The following FUT8 variants were observed in gnomAD, a reference collection of about 807,000 sequenced individuals.
FUT8 encodes alpha-(1,6)-fucosyltransferase.
Under a neutral mutation model 71.3 loss-of-function variants are expected in FUT8, and 29 were observed. The ratio of observed to expected loss-of-function variants is 0.41; its 90% CI spans 0.30 to 0.55. The LOEUF (loss-of-function observed/expected upper bound fraction) is 0.55, where lower values mean the gene tolerates loss of function less well. Ranked by LOEUF, FUT8 falls within the 20% of genes least tolerant of loss-of-function variation. The pLI is 0.34. For missense variants in FUT8, 544 were observed against 702.1 expected (o/e 0.77, Z 2.55); for synonymous variants, 254 against 239.3 (o/e 1.06, Z -0.57).
At chr14:65,702,269 C>T (rs769304887) in intron 7 of FUT8, among the ~76,000 whole-genome samples, 5 of 148,542 alleles carry the variant, frequency 3.4e-5, no homozygotes, top group African/African-American at 5.0e-5. Context: ...CGCTTGAACC[C>T]GGGAGGCGGA....
At chr14:65,412,092 G>C (rs1429747774), upstream of FUT8, 1 of 456,600 alleles carries the variant, frequency 2.2e-6, no homozygotes, top group Non-Finnish European at 4.4e-6. Context: ...TCGCAGCCGC[G>C]GGTCGGGAGA....
rs1269236935 is a variant in FUT8, at chr14:65,434,258, C to CA, written c.-326+21045dup. ...GATCCAGGAACTTAGATGCTGTCTT[C>CA]AGAGTATTCTAGCTTCATTTTATTT... On this transcript the variant is annotated intron_variant, in intron 1 of 10. Transcript: ENST00000673929. Among the ~76,000 whole-genome samples the CA allele has an allele frequency of 2.0e-5, 3 of 152,334 alleles. No individual in the cohort carries two copies. The East Asian group carries it at 5.8e-4, about 29-fold the overall frequency.
At chr14:65,575,766 G>A (rs528956877) in intron 3 of FUT8, among the ~76,000 whole-genome samples, 1 of 151,926 alleles carries the variant, frequency 6.6e-6, no homozygotes, top group Non-Finnish European at 1.5e-5. Context: ...TTACAGGTGC[G>A]CGTTGCTGTG....
chr14:65,647,017 TAAGTAATTTAA>T (rs893842374), intron 6 of FUT8, among the ~76,000 whole-genome samples: 63 of 152,350 alleles, frequency 4.1e-4, no homozygotes, highest in African/African-American at 1.5e-3. Context: ...CCAATTGTGA[TAAGTAATTTAA>T]CAGGAGTGAT....
intron 5 of FUT8, among the ~76,000 whole-genome samples, chr14:65,619,050 G>A (rs1044552518): frequency 3.3e-5 from 5 of 152,126 alleles, no homozygotes; most frequent in African/African-American, 1.2e-4. Flanking sequence ...AGAGGTCTGG[G>A]CTAATTCTGG....
chr14:65,740,457 A>C (rs905168862), intron 10 of FUT8, among the ~76,000 whole-genome samples: 5 of 152,072 alleles, frequency 3.3e-5, no homozygotes, highest in African/African-American at 1.2e-4. Flanking sequence ...ATAAGAGTTA[A>C]GAATAGGCAT....
Position 65,529,905 on chromosome 14 carries a change from GGACTCTGTCTT to G in FUT8, c.-227-31430_-227-31420del, listed in dbSNP as rs528161890. Among the ~76,000 whole-genome samples, 430 of 152,162 alleles carry G rather than the reference GGACTCTGTCTT, an allele frequency of 2.8e-3. 2 individuals are homozygous for G. Among genetic ancestry groups the G allele is most frequent in the African/African-American group, 9.9e-3 (409 of 41,510 alleles). On this transcript the variant is annotated intron_variant, in intron 2 of 10. Coordinates refer to ENST00000673929, the MANE Select transcript of FUT8 (RefSeq NM_001371533.1). ...GTTGGATGTCCCAAGGATTCATTGA[GGACTCTGTCTT>G]GCCTGTGAGAACTTAAATGATTCCT...
chr14:65,398,364 C>G, the FUT8 span, among the ~76,000 whole-genome samples: 1 of 152,134 alleles, frequency 6.6e-6, no homozygotes, highest in African/African-American at 2.4e-5. Flanking sequence ...AGTACCAACA[C>G]TCTGCTTATT....
Position 65,550,208 on chromosome 14 carries a change from C to T in FUT8, c.-227-11129C>T, listed in dbSNP as rs1248389899. Among the ~76,000 whole-genome samples the T allele has an allele frequency of 6.6e-6, 1 of 152,110 alleles. No homozygotes were observed. Among genetic ancestry groups the T allele is most frequent in the Non-Finnish European group, 1.5e-5 (1 of 68,008 alleles). On this transcript the variant is annotated intron_variant, in intron 2 of 10. Coordinates refer to ENST00000673929, the MANE Select transcript of FUT8 (RefSeq NM_001371533.1). This position sits in a 1 kb window ranked among gnomAD's most constrained non-coding sequence, Gnocchi z 4.5. ...AGGCAAAGGGGGAGCCAGCGTATCA[C>T]ATGGTGAGAAGGGGTGCAAGAGAGA...
Position 65,561,417 on chromosome 14 carries a change from G to T in FUT8, c.-147G>T. ...GGATCTCTTTGAAAGATTCACTGCA[G>T]GACTACCAGAGAGAATAATTTGTCT... is the stretch of plus-strand genomic sequence containing the variant. On this transcript the variant is annotated 5_prime_UTR_variant, in exon 3 of 11. The change creates a new upstream start codon in the 5' untranslated region. Transcript: ENST00000673929. The T allele has an allele frequency of 1.4e-6, 1 of 708,794 alleles. No individual in the cohort carries two copies. 43.9% of individuals were successfully genotyped at this position (708,794 alleles called of 1,614,324 possible). A position where few individuals can be genotyped will look rare whatever the true frequency, so the allele number is the denominator to read the frequency against.
intron 7 of FUT8, among the ~76,000 whole-genome samples, chr14:65,677,180 G>T (rs1046831720): frequency 7.2e-6 from 1 of 138,132 alleles, no homozygotes; most frequent in Admixed American, 7.3e-5. Context: ...GCACGTATGT[G>T]TGTGCGCATG....
intron 2 of FUT8, among the ~76,000 whole-genome samples, chr14:65,539,358 G>T (rs1010699443): frequency 6.6e-6 from 1 of 152,184 alleles, no homozygotes; most frequent in African/African-American, 2.4e-5. Context: ...TTCATTTGAA[G>T]TTGAGAGCAA....
intron 7 of FUT8, among the ~76,000 whole-genome samples, chr14:65,670,401 A>T (rs1222791480): frequency 6.6e-6 from 1 of 152,170 alleles, no homozygotes; most frequent in East Asian, 1.9e-4. Context: ...TAATGCACTT[A>T]GTACTGATAT....
At chr14:65,544,453 A>G (rs993645313) in intron 2 of FUT8, among the ~76,000 whole-genome samples, 11 of 152,004 alleles carry the variant, frequency 7.2e-5, no homozygotes, top group Non-Finnish European at 1.5e-4. Context: ...TTATGTGCAC[A>G]CACACACACA....
intron 2 of FUT8, among the ~76,000 whole-genome samples, chr14:65,543,818 C>T (rs1884830928): frequency 6.6e-6 from 1 of 152,016 alleles, no homozygotes; most frequent in Non-Finnish European, 1.5e-5. Flanking sequence ...GACAGATTCC[C>T]AGTTGTTCTT....
chr14:65,360,719 G>A, the FUT8 span, among the ~76,000 whole-genome samples: 3 of 152,212 alleles, frequency 2.0e-5, no homozygotes, highest in Non-Finnish European at 2.9e-5. Context: ...CAAATGGGAA[G>A]TTGGCTTATA....
At chr14:65,709,801 G>A (rs1409810092) in intron 7 of FUT8, among the ~76,000 whole-genome samples, 8 of 152,094 alleles carry the variant, frequency 5.3e-5, no homozygotes, top group South Asian at 4.2e-4. Context: ...AGGCACAGCC[G>A]TTTCTGACTT....
At chr14:65,380,069 A>C in the FUT8 span, among the ~76,000 whole-genome samples, 2 of 152,230 alleles carry the variant, frequency 1.3e-5, no homozygotes, top group Non-Finnish European at 2.9e-5. Context: ...GACACATTGT[A>C]GTAGTCCATT....
At chr14:65,373,329 C>T in the FUT8 span, among the ~76,000 whole-genome samples, 1 of 151,050 alleles carries the variant, frequency 6.6e-6, no homozygotes, top group African/African-American at 2.4e-5. Flanking sequence ...TATCCTGTGG[C>T]CATATAAACC....
Sources: gnomAD v4.1 joint callset for allele counts (sites outside exome capture counted in the v4.1 genomes callset) on GRCh38, gnomAD v4.1.1 for gene constraint, Gnocchi (gnomAD v3.1) non-coding constraint, MANE v1.5 for transcripts, NCBI Gene and HGNC (gene_info 2026-07-23, HGNC 2026-07-21) for gene names.